DEPDC5: variants seen among roughly 807,000 people sequenced by gnomAD.
DEPDC5 encodes the protein DEP domain containing 5, GATOR1 subcomplex subunit, also known as GATOR1 complex protein DEPDC5.
DEPDC5 carries 73 observed loss-of-function variants against 217.3 expected under a neutral mutation model. The ratio of observed to expected loss-of-function variants is 0.34; its 90% CI spans 0.28 to 0.41. The LOEUF is 0.41. Among genes scored for constraint, DEPDC5 ranks in the 10% least tolerant of loss-of-function variants. The pLI is 1.00. For synonymous variants in DEPDC5, 733 were observed against 756.7 expected, an observed-to-expected ratio of 0.97 and a Z score of 0.51; for missense variants, 1,675 against 2,070.1, an observed-to-expected ratio of 0.81 and a Z score of 3.70.
intron 8 of DEPDC5, among the ~76,000 whole-genome samples, chr22:31,782,424 A>G (rs1016584412): frequency 1.3e-5 from 2 of 152,206 alleles, no homozygotes; most frequent in Non-Finnish European, 2.9e-5. Flanking sequence ...GGTGTCAGCC[A>G]TCGTGCCCGG....
At chr22:31,789,449 T>C (rs1477405077) in intron 10 of DEPDC5, among the ~76,000 whole-genome samples, 1 of 152,136 alleles carries the variant, frequency 6.6e-6, no homozygotes, top group Non-Finnish European at 1.5e-5. Flanking sequence ...ATATATAATA[T>C]AGAGATTAGT....
At chr22:31,772,608 G>A (rs2083458009) in intron 7 of DEPDC5, among the ~76,000 whole-genome samples, 3 of 151,926 alleles carry the variant, frequency 2.0e-5, no homozygotes, top group South Asian at 4.2e-4. Flanking sequence ...TGTGTGTTTC[G>A]ACCATTTAAA....
intron 40 of DEPDC5, among the ~76,000 whole-genome samples, chr22:31,901,112 A>G (rs1195074311): frequency 6.6e-6 from 1 of 151,840 alleles, no homozygotes. Flanking sequence ...GTGTGGTGGC[A>G]TGTGCCTCTA....
At chr22:31,772,801 A>G (rs2083474101) in intron 7 of DEPDC5, among the ~76,000 whole-genome samples, 3 of 151,136 alleles carry the variant, frequency 2.0e-5, no homozygotes, top group African/African-American at 7.3e-5. Context: ...ATTATTTCTG[A>G]GACAGAGTCT....
chr22:31,841,295 C>T (rs1602335086), intron 27 of DEPDC5, among the ~76,000 whole-genome samples: 1 of 152,222 alleles, frequency 6.6e-6, no homozygotes, highest in East Asian at 1.9e-4. Context: ...TTATTTCAGC[C>T]TCTGCTGTCC....
chr22:31,838,284 T>C (rs1479448560), intron 26 of DEPDC5, among the ~76,000 whole-genome samples: 2 of 152,182 alleles, frequency 1.3e-5, no homozygotes, highest in Admixed American at 6.5e-5. Flanking sequence ...TTTCATATTT[T>C]CTATTATATT....
Position 31,808,485 on chromosome 22 carries a change from A to T in DEPDC5, c.1288-1126A>T, listed in dbSNP as rs551506250. ...AGTTTCACTCTGTCTCCCAGGCTGG[A>T]GTGCAATGGCACAATCTCGGCTCAC... On this transcript the variant is annotated intron_variant, in intron 18 of 42. Transcript: ENST00000651528. 1.3e-4 allele frequency among the ~76,000 whole-genome samples: 20 copies of T among 151,664 alleles called. No individual in the cohort carries two copies. In the South Asian group the frequency reaches 4.2e-3, roughly 32 times the overall value.
chr22:31,800,906 G>A (rs1048217531), intron 14 of DEPDC5, among the ~76,000 whole-genome samples: 5 of 152,070 alleles, frequency 3.3e-5, no homozygotes, highest in African/African-American at 7.2e-5. Context: ...AACCTGGGAG[G>A]TGGAGGTTGT....
intron 25 of DEPDC5, among the ~76,000 whole-genome samples, chr22:31,834,818 C>T (rs1474405972): frequency 1.3e-5 from 2 of 152,190 alleles, no homozygotes; most frequent in Non-Finnish European, 2.9e-5. Context: ...CGTGAGCCAC[C>T]TCGCCCAGCC....
chr22:31,770,707 C>G (rs1209399456), intron 7 of DEPDC5, among the ~76,000 whole-genome samples: 1 of 151,478 alleles, frequency 6.6e-6, no homozygotes, highest in Admixed American at 6.6e-5. Context: ...GTCTTGTTAA[C>G]TGACTTGTGG....
chr22:31,906,309 G>A lies in DEPDC5; in HGVS notation c.4624G>A (p.Glu1542Lys). 6.2e-7 allele frequency: 1 copy of A among 1,613,998 alleles called. No individual in the cohort carries two copies. The highest frequency in any genetic ancestry group is 8.5e-7 in the Non-Finnish European group (1 of 1,179,938). Residue 1542 changes from glutamate (E) to lysine (K), a missense_variant, in exon 43 of 43, where the codon GAG (glutamate) becomes AAG (lysine). Around this residue, in one of 11 missense-constraint regions of DEPDC5, gnomAD observed 42 missense variants for 27.7 expected, o/e 1.51. Coordinates refer to ENST00000651528, the MANE Select transcript of DEPDC5 (RefSeq NM_001242896.3). This position sits in a 1 kb window ranked among gnomAD's most constrained non-coding sequence, Gnocchi z 5.1. ...SSTNQNMFCE[E>K]RVGYNWAYNT... Reference sequence around the variant, plus strand: ...CACCAACCAGAACATGTTCTGCGAGGAGCGGGTCGGCTACAACTGGGCCTA... The same window carrying A: ...CACCAACCAGAACATGTTCTGCGAGAAGCGGGTCGGCTACAACTGGGCCTA...
intron 31 of DEPDC5, among the ~76,000 whole-genome samples, chr22:31,849,898 C>T (rs1382188336): frequency 6.6e-6 from 1 of 152,198 alleles, no homozygotes; most frequent in Non-Finnish European, 1.5e-5. Context: ...CACTGGGTCC[C>T]TCCCAAGACA....
At chr22:31,778,490 AAAAC>A (rs1347259331) in intron 8 of DEPDC5, among the ~76,000 whole-genome samples, 2 of 152,198 alleles carry the variant, frequency 1.3e-5, no homozygotes, top group Non-Finnish European at 2.9e-5. Context: ...CCCCATCTCA[AAAAC>A]AAACAAAAAA....
chr22:31,764,122 C>CG (rs1286886795), intron 4 of DEPDC5, among the ~76,000 whole-genome samples: 1 of 151,536 alleles, frequency 6.6e-6, no homozygotes, highest in African/African-American at 2.4e-5. Flanking sequence ...TTAGTAGAGG[C>CG]GGGGTTTCAC....
In DEPDC5 at chr22:31,809,639, G is replaced by A. The variant is rs1267156657; in HGVS notation, c.1316G>A (p.Arg439His). 14 of 1,613,836 alleles carry A rather than the reference G, an allele frequency of 8.7e-6. No homozygotes were observed. The highest frequency in any genetic ancestry group is 6.7e-5 in the African/African-American group (5 of 74,932). Reference sequence around the variant, plus strand: ...GCCTCTGAGAAAGCAAAAAATGGCCGTGATACATGTGAGTATTTTTTGAGA... The same window carrying A: ...GCCTCTGAGAAAGCAAAAAATGGCCATGATACATGTGAGTATTTTTTGAGA... ...KPASEKAKNG[R>H]DTSLGSPKES... The change falls in exon 19 of 43, where the codon CGT becomes CAT. Residue 439 changes from arginine to histidine, a missense_variant. Physicochemically the swap from Arg to His is conservative, Grantham distance 29. Around this residue, in one of 11 missense-constraint regions of DEPDC5, gnomAD observed 628 missense variants for 762.1 expected, o/e 0.82. Coordinates refer to ENST00000651528, the MANE Select transcript of DEPDC5 (RefSeq NM_001242896.3).
chr22:31,785,167 A>G (rs757384079), intron 10 of DEPDC5: 2 of 236,450 alleles, frequency 8.5e-6, no homozygotes, highest in Non-Finnish European at 1.6e-5. Context: ...AGTTCTAGAC[A>G]GACCACCTAG....
At chr22:31,811,027 G>A (rs1359313632) in intron 20 of DEPDC5, among the ~76,000 whole-genome samples, 4 of 152,132 alleles carry the variant, frequency 2.6e-5, no homozygotes, top group Non-Finnish European at 4.4e-5. Context: ...TGCCCGCCTC[G>A]ACCTCCCAAA....
chr22:31,874,079 G>A (rs555565530), intron 35 of DEPDC5, 194 bp from the exon 36 acceptor site: 4 of 832,946 alleles, frequency 4.8e-6, no homozygotes, highest in South Asian at 1.9e-5. Flanking sequence ...AGGCGTGAGC[G>A]ACCACGCTGG....
At chr22:31,890,976 C>T in intron 38 of DEPDC5, 1 of 176,752 alleles carries the variant, frequency 5.7e-6, no homozygotes, top group South Asian at 1.1e-4. Flanking sequence ...CCTTGGCCTC[C>T]CAAAGTGCTG....
Sources: allele counts gnomAD v4.1 joint callset (sites outside exome capture counted in the v4.1 genomes callset), GRCh38; gene constraint gnomAD v4.1.1; regional missense constraint gnomAD v4.1.1; non-coding constraint Gnocchi (gnomAD v3.1); transcripts MANE v1.5; gene names NCBI Gene and HGNC (gene_info 2026-07-23, HGNC 2026-07-21).